Variants in PDIA6 observed in about 807,000 individuals in gnomAD.
The protein encoded by PDIA6 is protein disulfide isomerase family A member 6, also known as protein disulfide-isomerase A6.
PDIA6 carries 29 observed loss-of-function variants against 58.4 expected under a neutral mutation model. The ratio of observed to expected loss-of-function variants is 0.50; its 90% CI spans 0.37 to 0.68. PDIA6 has a LOEUF of 0.68. Among genes scored for constraint, PDIA6 ranks in the 30% least tolerant of loss-of-function variants. The pLI, the probability that PDIA6 is intolerant of heterozygous loss-of-function variation, is 0.00. For missense variants in PDIA6, 480 were observed against 551.0 expected (o/e 0.87, Z 1.29); for synonymous variants, 192 against 202.6 (o/e 0.95, Z 0.44).
chr2:10,802,531 A>G lies in PDIA6; in HGVS notation c.129T>C (p.Asp43=), dbSNP rs765568566. 13 of 1,463,474 alleles carry G rather than the reference A, an allele frequency of 8.9e-6. No individual in the cohort carries two copies. Among genetic ancestry groups the G allele is most frequent in the East Asian group, 2.6e-5 (1 of 38,722 alleles). 90.7% of individuals were successfully genotyped at this position (1,463,474 alleles called of 1,614,324 possible). A position where few individuals can be genotyped will look rare whatever the true frequency, so the allele number is the denominator to read the frequency against. The part of the protein sequence containing the change: ...SNFNREVIQS[D]SLWLVEFYAP... Reference sequence around the variant, plus strand: ...CATAGAATTCTACAAGCCACAAACTATCACTCTGAATAACTTCTCGGTTGA... The same window carrying G: ...CATAGAATTCTACAAGCCACAAACTGTCACTCTGAATAACTTCTCGGTTGA... Residue 43 remains aspartate (D), a synonymous_variant, in exon 2 of 13, where the codon GAT becomes GAC. Coordinates refer to ENST00000272227, the MANE Select transcript of PDIA6 (RefSeq NM_005742.4).
upstream of PDIA6, among the ~76,000 whole-genome samples, chr2:10,813,274 T>G (rs549337187): frequency 2.6e-5 from 4 of 152,332 alleles, no homozygotes; most frequent in African/African-American, 9.6e-5. Context: ...TGCAATGTAA[T>G]TCGACAAGTT....
chr2:10,788,592 G>C (rs1665889736), intron 10 of PDIA6, 105 bp downstream of exon 10: 1 of 784,498 alleles, frequency 1.3e-6, no homozygotes, highest in Non-Finnish European at 2.2e-6. Context: ...ACATATAGCA[G>C]AGCAAACATA....
In PDIA6 at chr2:10,819,454, C is replaced by A. The variant is rs1667318973; in HGVS notation, c.-47-100G>T. 1.0e-5 allele frequency: 7 copies of A among 696,196 alleles called. No homozygotes were observed. In the South Asian group the frequency reaches 1.1e-4, roughly 11 times the overall value. 43.1% of individuals were successfully genotyped at this position (696,196 alleles called of 1,614,324 possible). On this transcript the variant is annotated intron_variant, in intron 1 of 13. Transcript: ENST00000381611. ...GGCTCCACGTATTTACATCTGTGAACCTGCTAAAACTGCTTTTGTTAATCA... is the reference window on the plus strand; with the variant it reads ...GGCTCCACGTATTTACATCTGTGAAACTGCTAAAACTGCTTTTGTTAATCA...
chr2:10,787,396 C>T lies in PDIA6; in HGVS notation c.1042G>A (p.Ala348Thr), dbSNP rs200773446. 4.6e-5 allele frequency: 75 copies of T among 1,614,102 alleles called. No individual in the cohort carries two copies. Among genetic ancestry groups the T allele is most frequent in the Middle Eastern group, 1.6e-4 (1 of 6,062 alleles). Residue 348 changes from alanine (A) to threonine (T), a missense_variant, in exon 11 of 13, where the codon GCG becomes ACG. Transcript: ENST00000272227. ...TACCCAAACCCTCCAATCCCCAACG[C>T]GGTCTCAAGTTCAGACTGGGCTCCA... is the stretch of plus-strand genomic sequence containing the variant. The part of the protein sequence containing the change: ...EAGAQSELET[A>T]LGIGGFGYPA...
chr2:10,820,580 T>C (rs866683851), intron 1 of PDIA6, among the ~76,000 whole-genome samples: 3 of 152,350 alleles, frequency 2.0e-5, no homozygotes, highest in Admixed American at 6.5e-5. Flanking sequence ...TATCTGTGTC[T>C]GTAGTTTGAT....
At chr2:10,836,233 C>A (rs1271348762), upstream of PDIA6, among the ~76,000 whole-genome samples, 8 of 152,216 alleles carry the variant, frequency 5.3e-5, no homozygotes, top group African/African-American at 1.9e-4. Flanking sequence ...TGAAATTCAG[C>A]CACAGATCCC....
intron 1 of PDIA6, among the ~76,000 whole-genome samples, chr2:10,808,600 G>A (rs919457160): frequency 3.9e-5 from 6 of 152,194 alleles, no homozygotes; most frequent in African/African-American, 1.4e-4. Context: ...CGGGAACCCA[G>A]TCAGTGATGG....
upstream of PDIA6, among the ~76,000 whole-genome samples, chr2:10,813,636 T>G (rs981767539): frequency 7.1e-6 from 1 of 141,330 alleles, no homozygotes; most frequent in Non-Finnish European, 1.5e-5. Context: ...AAAGTAAAAA[T>G]TTTTTTGCTT....
chr2:10,793,494 AACCTCCG>A (rs1483022047), intron 4 of PDIA6, among the ~76,000 whole-genome samples: 1 of 152,060 alleles, frequency 6.6e-6, no homozygotes, highest in Non-Finnish European at 1.5e-5. Flanking sequence ...AGGTCACTGC[AACCTCCG>A]CCTCCCGGGT....
Position 10,791,805 on chromosome 2 carries a change from G to A in PDIA6, c.574C>T (p.His192Tyr). Residue 192 changes from histidine to tyrosine, a missense_variant, in exon 6 of 13, where the codon CAC becomes TAC. Coordinates refer to ENST00000272227, the MANE Select transcript of PDIA6 (RefSeq NM_005742.4). The stretch of plus-strand genomic sequence containing the variant: ...GTAGAAGGCACTTACTTTTTGCAGT[G>A]TCCACACCAAGGAGCATAGAACTCA... ...MVEFYAPWCGHCKNLEPEWAA... is the reference protein window; with the variant it reads ...MVEFYAPWCGYCKNLEPEWAA... 1 of 1,613,036 alleles carries A rather than the reference G, an allele frequency of 6.2e-7. No homozygotes were observed. Among genetic ancestry groups the A allele is most frequent in the Non-Finnish European group, 8.5e-7 (1 of 1,179,696 alleles).
intron 1 of PDIA6, among the ~76,000 whole-genome samples, chr2:10,829,832 G>A (rs956543686): frequency 2.0e-5 from 3 of 152,126 alleles, no homozygotes; most frequent in Non-Finnish European, 4.4e-5. Flanking sequence ...ATGAGAAGTC[G>A]GGTCAAACAG....
Position 10,783,860 on chromosome 2 carries a change from C to T in PDIA6, c.*398G>A, listed in dbSNP as rs897533824. 3.8e-5 allele frequency: 6 copies of T among 159,818 alleles called. No homozygotes were observed. Among genetic ancestry groups the T allele is most frequent in the Non-Finnish European group, 8.2e-5 (6 of 72,910 alleles). 9.9% of individuals were successfully genotyped at this position (159,818 alleles called of 1,614,324 possible). A position where few individuals can be genotyped will look rare whatever the true frequency, so the allele number is the denominator to read the frequency against. ...GTGGATACTAACTTCATACATTTAT[C>T]GGCATTGTCCAAAATATTTTATTCT... On this transcript the variant is annotated 3_prime_UTR_variant, in exon 13 of 13. Coordinates refer to ENST00000272227, the MANE Select transcript of PDIA6 (RefSeq NM_005742.4).
chr2:10,827,366 T>G (rs953285661), intron 1 of PDIA6, among the ~76,000 whole-genome samples: 11 of 152,214 alleles, frequency 7.2e-5, no homozygotes, highest in African/African-American at 2.2e-4. Flanking sequence ...CCCAGCCTTA[T>G]TTACATATTT....
In PDIA6 at chr2:10,832,401, A is replaced by G. The variant is rs541265308; in HGVS notation, c.-247T>C. ...CAGATATCCTCGCCATCTACGCCTC[A>G]CAAACACCACCTGGTGGGATTCTAT... On this transcript the variant is annotated 5_prime_UTR_variant, in exon 1 of 14. Transcript: ENST00000381611. 2.6e-5 allele frequency: 26 copies of G among 985,394 alleles called. No homozygotes were observed. The East Asian group carries it at 2.4e-3, about 90-fold the overall frequency. The allele number at this position is 985,394 out of a possible 1,614,324, so 61.0% of individuals were successfully genotyped here. A position where few individuals can be genotyped will look rare whatever the true frequency, so the allele number is the denominator to read the frequency against.
intron 4 of PDIA6, among the ~76,000 whole-genome samples, chr2:10,796,551 A>G (rs1421926267): frequency 6.6e-6 from 1 of 152,070 alleles, no homozygotes; most frequent in Non-Finnish European, 1.5e-5. Flanking sequence ...CTGAAATAAC[A>G]TTTAGTCTTG....
At chr2:10,817,581 G>C (rs72779445), upstream of PDIA6, among the ~76,000 whole-genome samples, 19,677 of 152,264 alleles carry the variant, frequency 0.13, 1,547 homozygotes, top group Non-Finnish European at 0.18. Context: ...CAGCTCCCCC[G>C]GTGGGCGCCC....
intron 1 of PDIA6, among the ~76,000 whole-genome samples, chr2:10,828,922 G>A (rs1328198032): frequency 3.3e-5 from 5 of 152,112 alleles, no homozygotes; most frequent in Admixed American, 1.3e-4. Flanking sequence ...TAGGGTGCCC[G>A]CTTCATTCAC....
chr2:10,834,732 C>CCTTCCT (rs1667790757), upstream of PDIA6, among the ~76,000 whole-genome samples: 44 of 36,440 alleles, frequency 1.2e-3, no homozygotes, highest in South Asian at 5.9e-3. Flanking sequence ...CCTTCCTTCC[C>CCTTCCT]TCCTTCCTTC....
chr2:10,819,845 G>C (rs953382085), intron 1 of PDIA6, among the ~76,000 whole-genome samples: 1 of 152,188 alleles, frequency 6.6e-6, no homozygotes, highest in Non-Finnish European at 1.5e-5. Context: ...CTGTTGGCTT[G>C]CTTGGTTAGA....
Sources: gnomAD v4.1 joint callset for allele counts (sites outside exome capture counted in the v4.1 genomes callset) on GRCh38, gnomAD v4.1.1 for gene constraint, MANE v1.5 for transcripts, NCBI Gene and HGNC (gene_info 2026-07-23, HGNC 2026-07-21) for gene names.